The following TESC variants were observed in gnomAD, a reference collection of about 807,000 sequenced individuals.
TESC encodes the protein calcineurin B homologous protein 3.
TESC carries 19 observed loss-of-function variants against 31.0 expected under a neutral mutation model. The ratio of observed to expected loss-of-function variants is 0.61; its 90% CI spans 0.43 to 0.90. The LOEUF is 0.90. Among genes scored for constraint, TESC ranks in the 40% least tolerant of loss-of-function variants. TESC has a pLI of 0.00. For missense variants in TESC, 248 were observed against 303.8 expected, an observed-to-expected ratio of 0.82 and a Z score of 1.36; for synonymous variants, 109 against 114.8, an observed-to-expected ratio of 0.95 and a Z score of 0.32.
intron 1 of TESC, among the ~76,000 whole-genome samples, chr12:117,078,677 T>G (rs972191858): frequency 9.2e-5 from 14 of 152,160 alleles, no homozygotes; most frequent in African/African-American, 3.4e-4. Context: ...AACTCTGTGT[T>G]GTGGAAAAGA....
chr12:117,041,735 C>T lies in TESC; in HGVS notation c.567+212G>A, dbSNP rs192609336. Among the ~76,000 whole-genome samples the T allele has an allele frequency of 2.4e-4, 37 of 152,290 alleles. No homozygotes were observed. The East Asian group carries it at 6.6e-3, about 27-fold the overall frequency. ...TGTACTGCTTACATTGTTTTGACTA[C>T]GTGTGAATATTACCTTTTCCATAAA... On this transcript the variant is annotated intron_variant, in intron 7 of 7. Coordinates refer to ENST00000335209, the MANE Select transcript of TESC (RefSeq NM_017899.4).
intron 2 of TESC, among the ~76,000 whole-genome samples, 153 bp downstream of exon 2, chr12:117,075,118 C>T (rs1371545983): frequency 6.6e-6 from 1 of 152,128 alleles, no homozygotes; most frequent in African/African-American, 2.4e-5. Context: ...TGCACTCCAG[C>T]CTGGGCGACG....
chr12:117,094,127 C>A (rs1290212930), intron 1 of TESC, among the ~76,000 whole-genome samples: 2 of 152,222 alleles, frequency 1.3e-5, no homozygotes, highest in East Asian at 1.9e-4. Context: ...CCCCGGGACG[C>A]CTTCGCTCGG....
intron 1 of TESC, among the ~76,000 whole-genome samples, chr12:117,096,542 G>A (rs1209931511): frequency 6.6e-6 from 1 of 152,036 alleles, no homozygotes; most frequent in Non-Finnish European, 1.5e-5. Context: ...CTCAGCTATG[G>A]CTCGGAGCGA....
chr12:117,054,513 C>T (rs1009515907), intron 3 of TESC, among the ~76,000 whole-genome samples: 5 of 152,110 alleles, frequency 3.3e-5, no homozygotes, highest in Non-Finnish European at 5.9e-5. Flanking sequence ...CAGTTCCCAT[C>T]GCCTGGAACC....
intron 1 of TESC, among the ~76,000 whole-genome samples, chr12:117,097,907 G>C (rs964499711): frequency 6.6e-6 from 1 of 151,676 alleles, no homozygotes; most frequent in Non-Finnish European, 1.5e-5. Context: ...TTAAAAAACA[G>C]AAAAAAGGGT....
intron 2 of TESC, among the ~76,000 whole-genome samples, chr12:117,063,533 A>C (rs1954827961): frequency 6.6e-6 from 1 of 152,100 alleles, no homozygotes; most frequent in Non-Finnish European, 1.5e-5. Context: ...AGTTCTCTCT[A>C]GGGGTACTGA....
Position 117,056,844 on chromosome 12 carries a change from G to A in TESC, c.171C>T (p.Pro57=). 1.2e-6 allele frequency: 2 copies of A among 1,614,166 alleles called. No individual in the cohort carries two copies. Among genetic ancestry groups the A allele is most frequent in the Non-Finnish European group, 1.7e-6 (2 of 1,180,016 alleles). ...FNNVPDLELN[P]IRSKIVRAFF... is the part of the protein sequence containing the mutation. ...AGGCACGAACAATTTTGGATCGGAT[G>A]GGGTTGAGCTCCAGGTCCGGGACAT... Residue 57 remains proline, a synonymous_variant, in exon 3 of 8, where the codon CCC becomes CCT. Coordinates refer to ENST00000335209, the MANE Select transcript of TESC (RefSeq NM_017899.4).
intron 2 of TESC, among the ~76,000 whole-genome samples, chr12:117,072,277 C>T (rs1269006623): frequency 6.6e-6 from 1 of 152,080 alleles, no homozygotes; most frequent in African/African-American, 2.4e-5. Context: ...TTTTTTTCCC[C>T]CTAGAGATGG....
chr12:117,054,600 C>T (rs1954694929), intron 3 of TESC, among the ~76,000 whole-genome samples: 2 of 152,164 alleles, frequency 1.3e-5, no homozygotes, highest in South Asian at 2.1e-4. Flanking sequence ...AGAGGAAGGC[C>T]CCTGCAACTC....
chr12:117,077,379 G>A (rs866912515), intron 1 of TESC, among the ~76,000 whole-genome samples: 2 of 152,208 alleles, frequency 1.3e-5, no homozygotes, highest in South Asian at 4.1e-4. Flanking sequence ...AGGTATGTCA[G>A]CAAGGACACT....
At chr12:117,068,785 C>A (rs1394929935) in intron 2 of TESC, among the ~76,000 whole-genome samples, 8 of 152,168 alleles carry the variant, frequency 5.3e-5, no homozygotes, top group Admixed American at 1.3e-4. Flanking sequence ...TCTAATCATG[C>A]CTCCTAATGG....
intron 2 of TESC, among the ~76,000 whole-genome samples, chr12:117,062,564 A>G (rs369168605): frequency 7.9e-5 from 12 of 152,304 alleles, no homozygotes; most frequent in African/African-American, 2.9e-4. Context: ...AGAGAGATGA[A>G]GCCACTTCTC....
rs369376430 is a variant in TESC, at chr12:117,039,159, T to C, written c.619A>G (p.Met207Val). The C allele has an allele frequency of 1.2e-6, 2 of 1,613,990 alleles. No homozygotes were observed. The highest frequency in any genetic ancestry group is 8.5e-7 in the Non-Finnish European group (1 of 1,180,024). ...ETKMHVRFLN[M>V]ETMALCH is the part of the protein sequence containing the mutation. ...CAGTGGCAGAGGGCCATGGTTTCCA[T>C]GTTAAGGAAGCGGACGTGCATCTTG... The change falls in exon 8 of 8, where the codon ATG (methionine) becomes GTG (valine). Residue 207 changes from methionine to valine, a missense_variant. Met to Val is a conservative substitution (Grantham distance 21). Coordinates refer to ENST00000335209, the MANE Select transcript of TESC (RefSeq NM_017899.4).
At position 117,077,999 on chromosome 12, in the gene TESC, C is replaced by G. The variant is rs117182676; in HGVS notation, c.59-2659G>C. On this transcript the variant is annotated intron_variant, in intron 1 of 7. Transcript: ENST00000335209. ...TTATTCCTCCCTGACTAAAGGAGAT[C>G]TGGGAAGAGAAAAGAAAAATGAATA... Among the ~76,000 whole-genome samples, 1,244 of 152,100 alleles carry G rather than the reference C, an allele frequency of 8.2e-3. 17 individuals are homozygous for G. Among genetic ancestry groups the G allele is most frequent in the South Asian group, 0.042 (204 of 4,822 alleles).
At chr12:117,081,437 C>T (rs976971801) in intron 1 of TESC, among the ~76,000 whole-genome samples, 14 of 152,238 alleles carry the variant, frequency 9.2e-5, no homozygotes, top group African/African-American at 3.4e-4. Context: ...AATTACATTA[C>T]AGCTACTAGA....
At chr12:117,076,261 G>A (rs1026983808) in intron 1 of TESC, among the ~76,000 whole-genome samples, 55 of 152,004 alleles carry the variant, frequency 3.6e-4, no homozygotes, top group African/African-American at 1.1e-3. Flanking sequence ...GGCTGGTGTT[G>A]GACATGATCT....
intron 1 of TESC, among the ~76,000 whole-genome samples, chr12:117,098,215 T>C (rs923405241): frequency 6.6e-6 from 1 of 152,214 alleles, no homozygotes; most frequent in Non-Finnish European, 1.5e-5. Flanking sequence ...TTTCCCAAAA[T>C]ATCTGCAGCT....
At chr12:117,063,803 G>T (rs1365844259) in intron 2 of TESC, among the ~76,000 whole-genome samples, 1 of 152,182 alleles carries the variant, frequency 6.6e-6, no homozygotes, top group Non-Finnish European at 1.5e-5. Flanking sequence ...GGAAGCTGAG[G>T]CCCCATGGAG....
Sources: gnomAD v4.1 joint callset for allele counts (sites outside exome capture counted in the v4.1 genomes callset) on GRCh38, gnomAD v4.1.1 for gene constraint, MANE v1.5 for transcripts, NCBI Gene and HGNC (gene_info 2026-07-23, HGNC 2026-07-21) for gene names.